Variants in SFI1 observed in about 807,000 individuals in gnomAD.
SFI1 encodes SFI1 centrin binding protein, also known as protein SFI1 homolog.
Under a neutral mutation model 207.5 loss-of-function variants are expected in SFI1, and 195 were observed. The observed-to-expected ratio is 0.94, with a 90% confidence interval of 0.84 to 1.06. SFI1 has a LOEUF of 1.06. Among genes scored for constraint, SFI1 ranks in the 50% least tolerant of loss-of-function variants. The probability of loss-of-function intolerance (pLI) is 0.00; values close to 1 mark genes in which losing one functional copy is unlikely to be tolerated. For synonymous variants in SFI1, 630 were observed against 598.9 expected (o/e 1.05, Z -0.76); for missense variants, 1,634 against 1,588.0 (o/e 1.03, Z -0.49).
At chr22:31,614,654 CA>C (rs767730787) in intron 27 of SFI1, 134 bp from the exon 28 acceptor site, 51 of 985,738 alleles carry the variant, frequency 5.2e-5, no homozygotes, top group Non-Finnish European at 7.4e-5. Flanking sequence ...AGGCCCACCC[CA>C]GCTTACTTGC....
At chr22:31,500,895 G>A (rs1156777034) in intron 1 of SFI1, among the ~76,000 whole-genome samples, 2 of 151,212 alleles carry the variant, frequency 1.3e-5, no homozygotes, top group Non-Finnish European at 2.9e-5. Context: ...CGTCTCCCAG[G>A]TTCAAGCAAT....
At chr22:31,514,369 G>C (rs9606852) in intron 2 of SFI1, among the ~76,000 whole-genome samples, 8 of 150,932 alleles carry the variant, frequency 5.3e-5, no homozygotes, top group African/African-American at 1.7e-4. Context: ...TTAGCTGGGC[G>C]TGGTGGCGGG....
In SFI1 at chr22:31,613,150, C is replaced by G. The variant is rs777901434; in HGVS notation, c.2499C>G (p.Ala833=). Residue 833 remains alanine (A), a synonymous_variant, in exon 25 of 33, where the codon GCC becomes GCG. Coordinates refer to ENST00000400288, the MANE Select transcript of SFI1 (RefSeq NM_001007467.3). ...GGTCTTTCTGGCCCTAGCTGGCAGCCAGGAGGCAGGAGCAGCGGGCGACAG... is the reference window on the plus strand; with the variant it reads ...GGTCTTTCTGGCCCTAGCTGGCAGCGAGGAGGCAGGAGCAGCGGGCGACAG... ...CFRQWRQQLA[A]RRQEQRATVR... 2.5e-6 allele frequency: 4 copies of G among 1,613,538 alleles called. No homozygotes were observed. Among genetic ancestry groups the G allele is most frequent in the Non-Finnish European group, 3.4e-6 (4 of 1,179,982 alleles).
chr22:31,537,573 G>A (rs931133961), intron 4 of SFI1, among the ~76,000 whole-genome samples: 2 of 152,176 alleles, frequency 1.3e-5, no homozygotes, highest in African/African-American at 4.8e-5. Flanking sequence ...CTGAGCTTCG[G>A]TTCTAACCCA....
intron 27 of SFI1, 94 bp downstream of exon 27, chr22:31,613,949 C>A: frequency 7.0e-7 from 1 of 1,428,348 alleles, no homozygotes; most frequent in South Asian, 1.5e-5. Context: ...CGGGATGGGA[C>A]GGGCTGGTCA....
At chr22:31,501,951 CAGTG>C (rs1190585332) in intron 1 of SFI1, among the ~76,000 whole-genome samples, 3 of 152,128 alleles carry the variant, frequency 2.0e-5, no homozygotes, top group Non-Finnish European at 4.4e-5. Flanking sequence ...ATCCTAGTGT[CAGTG>C]AGTGTGTGTG....
intron 4 of SFI1, among the ~76,000 whole-genome samples, chr22:31,544,966 C>G (rs1166943941): frequency 1.3e-5 from 2 of 152,178 alleles, no homozygotes; most frequent in East Asian, 1.9e-4. Context: ...GTGACACATT[C>G]ACGGCTCACT....
At chr22:31,578,929 A>G (rs752814347) in intron 11 of SFI1, among the ~76,000 whole-genome samples, 27 of 152,178 alleles carry the variant, frequency 1.8e-4, no homozygotes, top group Non-Finnish European at 1.9e-4. Context: ...TGTCTCAGAA[A>G]ATTGAAGCCT....
At chr22:31,575,483 G>A in intron 10 of SFI1, 91 bp downstream of exon 10, 1 of 1,328,212 alleles carries the variant, frequency 7.5e-7, no homozygotes. Context: ...AGATACATGG[G>A]AAACAATTGC....
chr22:31,566,871 G>A (rs2145645388), intron 8 of SFI1, among the ~76,000 whole-genome samples: 1 of 151,952 alleles, frequency 6.6e-6, no homozygotes, highest in South Asian at 2.1e-4. Flanking sequence ...TTAATTTTAG[G>A]AGCAACTTGT....
chr22:31,583,501 A>G (rs1386507804), intron 12 of SFI1, among the ~76,000 whole-genome samples: 1 of 152,238 alleles, frequency 6.6e-6, no homozygotes, highest in Non-Finnish European at 1.5e-5. Flanking sequence ...CATGGTTCCT[A>G]TAATCGTTAC....
At chr22:31,504,724 T>C (rs1270997397) in intron 1 of SFI1, among the ~76,000 whole-genome samples, 1 of 152,164 alleles carries the variant, frequency 6.6e-6, no homozygotes, top group African/African-American at 2.4e-5. Context: ...TCCATGCCTT[T>C]CTCTTAGCTT....
At chr22:31,577,689 C>A (rs974332464) in intron 10 of SFI1, among the ~76,000 whole-genome samples, 1 of 152,082 alleles carries the variant, frequency 6.6e-6, no homozygotes, top group African/African-American at 2.4e-5. Flanking sequence ...TATGATGGCA[C>A]CCTTGCCCTA....
At chr22:31,605,200 T>C (rs2068763083) in intron 20 of SFI1, 2 of 324,114 alleles carry the variant, frequency 6.2e-6, no homozygotes, top group Middle Eastern at 1.7e-3. Context: ...CTTGCTCTTC[T>C]GAGCACTTTT....
At chr22:31,568,531 C>CAA (rs60447566) in intron 8 of SFI1, among the ~76,000 whole-genome samples, 10,331 of 36,382 alleles carry the variant, frequency 0.28, 1,592 homozygotes, top group East Asian at 0.41. Flanking sequence ...GACCCTGTCT[C>CAA]AAAAAAAAAA....
intron 5 of SFI1, among the ~76,000 whole-genome samples, chr22:31,548,232 G>A (rs146190236): frequency 0.012 from 1,773 of 150,756 alleles, 9 homozygotes; most frequent in Middle Eastern, 0.032. Context: ...CAGAAAATAA[G>A]TAAATAAATA....
chr22:31,549,827 T>G (rs1459484234), intron 5 of SFI1, among the ~76,000 whole-genome samples: 1 of 151,810 alleles, frequency 6.6e-6, no homozygotes, highest in African/African-American at 2.4e-5. Flanking sequence ...GGTGCAGATA[T>G]GGCTTTTTTT....
chr22:31,523,037 G>A (rs1031898206), intron 2 of SFI1, among the ~76,000 whole-genome samples: 1 of 152,138 alleles, frequency 6.6e-6, no homozygotes, highest in South Asian at 2.1e-4. Context: ...GAACATCTGG[G>A]TTGTTTCCAC....
intron 12 of SFI1, among the ~76,000 whole-genome samples, chr22:31,581,231 C>T (rs1370532456): frequency 2.6e-5 from 4 of 151,040 alleles, no homozygotes; most frequent in African/African-American, 9.7e-5. Context: ...TGCCCACCTT[C>T]GCCTCTCAAA....
Sources: allele counts gnomAD v4.1 joint callset (sites outside exome capture counted in the v4.1 genomes callset), GRCh38; gene constraint gnomAD v4.1.1; transcripts MANE v1.5; gene names NCBI Gene and HGNC (gene_info 2026-07-23, HGNC 2026-07-21).